Variants in PATL2 observed in about 807,000 individuals in gnomAD.
PATL2 encodes the protein protein PAT1 homolog 2.
In PATL2, 73 loss-of-function variants were observed where a neutral mutation model predicts 77.0. The ratio of observed to expected loss-of-function variants is 0.95; its 90% confidence interval spans 0.78 to 1.15. The LOEUF (loss-of-function observed/expected upper bound fraction) is 1.15. PATL2 is among the 50% of genes most tolerant of loss of function. The probability of loss-of-function intolerance (pLI) is 0.00; values close to 1 mark genes in which losing one functional copy is unlikely to be tolerated. For missense variants in PATL2, 618 were observed against 655.4 expected, an observed-to-expected ratio of 0.94 and a Z score of 0.62; for synonymous variants, 265 against 257.1, an observed-to-expected ratio of 1.03 and a Z score of -0.29.
intron 3 of PATL2, among the ~76,000 whole-genome samples, chr15:44,684,182 T>A (rs562810842): frequency 5.9e-5 from 9 of 151,468 alleles, no homozygotes; most frequent in African/African-American, 2.2e-4. Flanking sequence ...AACCAGAACA[T>A]CCCTTCTCCT....
intron 3 of PATL2, among the ~76,000 whole-genome samples, chr15:44,692,286 C>A (rs1249324198): frequency 3.3e-5 from 5 of 152,076 alleles, no homozygotes; most frequent in Non-Finnish European, 5.9e-5. Context: ...TTTATCCTTA[C>A]CTATTGTCTG....
chr15:44,683,246 C>A (rs1436329421), intron 3 of PATL2, among the ~76,000 whole-genome samples: 1 of 152,014 alleles, frequency 6.6e-6, no homozygotes, highest in Non-Finnish European at 1.5e-5. Context: ...CAGAACCATT[C>A]ACTCCTCTGG....
intron 3 of PATL2, among the ~76,000 whole-genome samples, chr15:44,686,980 G>A (rs564524826): frequency 6.6e-6 from 1 of 152,328 alleles, no homozygotes; most frequent in South Asian, 2.1e-4. Context: ...GAGGTACAAT[G>A]AGGAGCTGGT....
intron 9 of PATL2, 103 bp from the exon 10 acceptor site, chr15:44,670,190 T>C: frequency 2.1e-6 from 3 of 1,434,044 alleles, no homozygotes; most frequent in Non-Finnish European, 2.8e-6. Flanking sequence ...GTTTAGTTTT[T>C]TTGTGTGTGT....
intron 3 of PATL2, among the ~76,000 whole-genome samples, chr15:44,707,804 C>G (rs965230062): frequency 6.6e-6 from 1 of 152,174 alleles, no homozygotes; most frequent in African/African-American, 2.4e-5. Flanking sequence ...CAGGACTTAC[C>G]CAGGAATTGC....
intron 3 of PATL2, among the ~76,000 whole-genome samples, chr15:44,696,774 C>T (rs973243201): frequency 6.6e-6 from 1 of 152,060 alleles, no homozygotes; most frequent in African/African-American, 2.4e-5. Flanking sequence ...GCCTGTTGCC[C>T]ATTATGTAAC....
chr15:44,668,389 G>T lies in PATL2; in HGVS notation c.1318C>A (p.Pro440Thr), dbSNP rs2085490408. Reference sequence around the variant, plus strand: ...ACTGGCCGCTCTGAGGAGCCAGGTGGCAACAGCGTTAATCCCTGAAGTCCT... The same window carrying T: ...ACTGGCCGCTCTGAGGAGCCAGGTGTCAACAGCGTTAATCCCTGAAGTCCT... ...LQGLQGLTLL[P>T]PGSSERPVTV... The change falls in exon 15 of 18, where the codon CCA (proline) becomes ACA (threonine). Residue 440 changes from proline to threonine, a missense_variant. Pro to Thr is a conservative substitution (Grantham distance 38). Transcript: ENST00000682850. The T allele has an allele frequency of 1.3e-5, 20 of 1,551,212 alleles. No individual in the cohort carries two copies. The highest frequency in any genetic ancestry group is 1.7e-5 in the Non-Finnish European group (20 of 1,146,964).
chr15:44,703,723 C>CTTTTTTTTTTTTT (rs933165876), intron 3 of PATL2, among the ~76,000 whole-genome samples: 1 of 33,012 alleles, frequency 3.0e-5, no homozygotes, highest in African/African-American at 1.0e-4. Flanking sequence ...CCGGGTCTTG[C>CTTTTTTTTTTTTT]TTTTTTTTTT....
chr15:44,705,811 G>GTTTTTTTTTTTTTTTTT (rs371254036), intron 3 of PATL2, among the ~76,000 whole-genome samples: 2 of 135,386 alleles, frequency 1.5e-5, no homozygotes, highest in African/African-American at 3.0e-5. Flanking sequence ...TCAAAACATT[G>GTTTTTTTTTTTTTTTTT]TTTTTTTTTA....
intron 3 of PATL2, among the ~76,000 whole-genome samples, chr15:44,697,702 C>T (rs1296903534): frequency 6.6e-6 from 1 of 152,020 alleles, no homozygotes; most frequent in East Asian, 1.9e-4. Context: ...GATCCCTTCT[C>T]GGAAAGTGCC....
chr15:44,709,879 G>GTTTA (rs1272153275), intron 3 of PATL2, among the ~76,000 whole-genome samples: 44 of 152,258 alleles, frequency 2.9e-4, no homozygotes, highest in Middle Eastern at 3.4e-3. Context: ...AAACTTCTAA[G>GTTTA]GCACTTTTCT....
Position 44,672,440 on chromosome 15 carries a change from G to A in PATL2, c.463C>T (p.His155Tyr). The change falls in exon 8 of 18, where the codon CAC (histidine) becomes TAC (tyrosine). Residue 155 changes from histidine (H) to tyrosine (Y), a missense_variant. Coordinates refer to ENST00000682850, the MANE Select transcript of PATL2 (RefSeq NM_001387263.1). Reference protein sequence around the residue: ...PPRFSHLTQLHPRHQRILQQQ... With the variant: ...PPRFSHLTQLYPRHQRILQQQ... ...TGCAAGATTCGTTGGTGCCGAGGGTGGAGCTGGGTCAGATGACTGGGAAGA... is the reference window on the plus strand; with the variant it reads ...TGCAAGATTCGTTGGTGCCGAGGGTAGAGCTGGGTCAGATGACTGGGAAGA... The A allele has an allele frequency of 1.3e-6, 2 of 1,551,664 alleles. No homozygotes were observed. Among genetic ancestry groups the A allele is most frequent in the South Asian group, 1.2e-5 (1 of 84,048 alleles).
chr15:44,668,716 G>A (rs182275819), intron 14 of PATL2, among the ~76,000 whole-genome samples: 36 of 152,234 alleles, frequency 2.4e-4, no homozygotes, highest in African/African-American at 6.5e-4. Flanking sequence ...TTATCAGGGC[G>A]TCCTAATCTT....
intron 3 of PATL2, among the ~76,000 whole-genome samples, chr15:44,681,338 T>G (rs1179058241): frequency 1.3e-5 from 2 of 152,202 alleles, no homozygotes; most frequent in East Asian, 3.8e-4. Flanking sequence ...TAACTGTAAG[T>G]GCAAAAGACA....
chr15:44,688,527 A>G (rs901924789), intron 3 of PATL2, among the ~76,000 whole-genome samples: 1 of 152,158 alleles, frequency 6.6e-6, no homozygotes, highest in Non-Finnish European at 1.5e-5. Context: ...GACCAATGGA[A>G]CTGAACAGAG....
At chr15:44,684,463 T>A (rs895660579) in intron 3 of PATL2, among the ~76,000 whole-genome samples, 2 of 151,216 alleles carry the variant, frequency 1.3e-5, no homozygotes, top group Admixed American at 1.3e-4. Flanking sequence ...CAAGTATTAA[T>A]AGCTGAATTG....
intron 3 of PATL2, among the ~76,000 whole-genome samples, chr15:44,705,811 G>GTTTT (rs371254036): frequency 3.7e-5 from 5 of 135,394 alleles, no homozygotes; most frequent in Non-Finnish European, 4.6e-5. Context: ...TCAAAACATT[G>GTTTT]TTTTTTTTTA....
chr15:44,668,200 G>T, intron 15 of PATL2, 142 bp downstream of exon 15: 1 of 1,112,624 alleles, frequency 9.0e-7, no homozygotes, highest in Non-Finnish European at 1.2e-6. Context: ...TAAGCTTCCA[G>T]GTGATCATGT....
intron 3 of PATL2, among the ~76,000 whole-genome samples, chr15:44,684,276 G>A (rs1287796882): frequency 6.6e-6 from 1 of 151,960 alleles, no homozygotes; most frequent in African/African-American, 2.4e-5. Flanking sequence ...GGCTTCAGAA[G>A]GTGGGTAATA....
Sources: allele counts gnomAD v4.1 joint callset (sites outside exome capture counted in the v4.1 genomes callset), GRCh38; gene constraint gnomAD v4.1.1; transcripts MANE v1.5; gene names NCBI Gene and HGNC (gene_info 2026-07-23, HGNC 2026-07-21).